The following STX6 variants were observed in gnomAD, a reference collection of about 807,000 sequenced individuals.
STX6 encodes syntaxin 6.
Under a neutral mutation model 38.0 loss-of-function variants are expected in STX6, and 23 were observed. The ratio of observed to expected loss-of-function variants is 0.60; its 90% confidence interval spans 0.43 to 0.86. The LOEUF (loss-of-function observed/expected upper bound fraction) is 0.86. STX6 is among the 40% of genes least tolerant of loss of function. The pLI, the probability that STX6 is intolerant of heterozygous loss-of-function variation, is 0.00. For missense variants in STX6, 274 were observed against 312.9 expected, an observed-to-expected ratio of 0.88 and a Z score of 0.94; for synonymous variants, 123 against 107.5, an observed-to-expected ratio of 1.14 and a Z score of -0.89.
At chr1:181,003,684 T>C (rs1449911091) in intron 2 of STX6, among the ~76,000 whole-genome samples, 2 of 152,348 alleles carry the variant, frequency 1.3e-5, no homozygotes, top group East Asian at 1.9e-4. Context: ...GGTTTCCTTA[T>C]GTTTTATCTC....
In STX6 at chr1:180,976,147, T is replaced by G; in HGVS notation, c.*423A>C. ...AAGCTCGTATTCCTGACAGGTTTCT[T>G]TAGATGGGACAGCGGTGCACTGTCT... On this transcript the variant is annotated 3_prime_UTR_variant, in exon 8 of 8. Coordinates refer to ENST00000258301, the MANE Select transcript of STX6 (RefSeq NM_005819.6). 1 of 159,982 alleles carries G rather than the reference T, an allele frequency of 6.3e-6. No individual in the cohort carries two copies. Among genetic ancestry groups the G allele is most frequent in the African/African-American group, 2.4e-5 (1 of 41,844 alleles). 9.9% of individuals were successfully genotyped at this position (159,982 alleles called of 1,614,324 possible). A position where few individuals can be genotyped will look rare whatever the true frequency, so the allele number is the denominator to read the frequency against.
intron 6 of STX6, among the ~76,000 whole-genome samples, chr1:180,986,387 T>C (rs1185581574): frequency 2.0e-5 from 3 of 152,256 alleles, no homozygotes; most frequent in Non-Finnish European, 2.9e-5. Flanking sequence ...TATTTTTCTA[T>C]ATGAAGTCTT....
intron 5 of STX6, 129 bp from the exon 6 acceptor site, chr1:180,988,474 T>A: frequency 1.5e-6 from 1 of 674,980 alleles, no homozygotes. Context: ...AGCCCAGAAA[T>A]CAAAGGACCA....
Position 180,984,763 on chromosome 1 carries a change from T to C in STX6, c.605A>G (p.Glu202Gly), listed in dbSNP as rs1390710794. ...GCTCTCCAATTCGTGAGAGAAATCT[T>C]CCAACATACTAGAGAGAAGCAGACA... ...GELEEQAVML[E>G]DFSHELESTQ... Residue 202 changes from glutamate (E) to glycine (G), a missense_variant, in exon 7 of 8, where the codon GAA (glutamate) becomes GGA (glycine). Transcript: ENST00000258301. The C allele has an allele frequency of 1.3e-6, 2 of 1,548,328 alleles. No homozygotes were observed. Among genetic ancestry groups the C allele is most frequent in the East Asian group, 4.5e-5 (2 of 44,522 alleles).
chr1:180,994,976 T>C (rs1051144183), intron 3 of STX6, among the ~76,000 whole-genome samples: 2 of 151,946 alleles, frequency 1.3e-5, no homozygotes, highest in African/African-American at 4.8e-5. Context: ...AAATTTTTTT[T>C]TTTTTTTGAG....
At chr1:181,008,971 A>G (rs1656317860) in intron 1 of STX6, among the ~76,000 whole-genome samples, 1 of 152,010 alleles carries the variant, frequency 6.6e-6, no homozygotes. Context: ...TCAACTCACA[A>G]CTCAATCACA....
chr1:180,984,078 A>C (rs1263441788), intron 7 of STX6, among the ~76,000 whole-genome samples: 2 of 148,578 alleles, frequency 1.3e-5, no homozygotes, highest in Admixed American at 6.7e-5. Context: ...AAAAAAAAAA[A>C]AAAAAAAAAA....
intron 3 of STX6, among the ~76,000 whole-genome samples, chr1:181,002,015 A>G (rs1656094095): frequency 6.6e-6 from 1 of 152,126 alleles, no homozygotes; most frequent in African/African-American, 2.4e-5. Flanking sequence ...CTGTCTCTAC[A>G]AAAAATTAGC....
chr1:180,986,605 G>A (rs1376740762), intron 6 of STX6, among the ~76,000 whole-genome samples: 2 of 152,112 alleles, frequency 1.3e-5, no homozygotes, highest in Non-Finnish European at 2.9e-5. Flanking sequence ...GTACAGTGGT[G>A]CCATCATAGC....
intron 3 of STX6, among the ~76,000 whole-genome samples, chr1:181,001,510 T>G (rs1236520615): frequency 2.0e-5 from 3 of 152,232 alleles, no homozygotes; most frequent in Admixed American, 1.3e-4. Context: ...TTTTTTACAC[T>G]CTGATAGATG....
intron 7 of STX6, among the ~76,000 whole-genome samples, chr1:180,979,862 TAAC>T (rs1488437044): frequency 3.4e-4 from 10 of 29,776 alleles, no homozygotes; most frequent in African/African-American, 8.2e-4. Context: ...GTATGAAAAC[TAAC>T]AGCTTGATTT....
chr1:181,002,710 A>G lies in STX6; in HGVS notation c.206-10T>C, dbSNP rs775547073. 2.2e-4 allele frequency: 349 copies of G among 1,589,724 alleles called. No homozygotes were observed. Among genetic ancestry groups the G allele is most frequent in the Middle Eastern group, 9.9e-4 (6 of 6,044 alleles). ...TTTGCTTCAACTATGCGTAGGTCAAAAAGTCAAGGTAAAACAATTTCATCA... is the reference window on the plus strand; with the variant it reads ...TTTGCTTCAACTATGCGTAGGTCAAGAAGTCAAGGTAAAACAATTTCATCA... On this transcript the variant is annotated splice_polypyrimidine_tract_variant and intron_variant, in intron 2 of 7. Coordinates refer to ENST00000258301, the MANE Select transcript of STX6 (RefSeq NM_005819.6).
At chr1:180,982,259 G>C (rs1339918070) in intron 7 of STX6, among the ~76,000 whole-genome samples, 1 of 152,138 alleles carries the variant, frequency 6.6e-6, no homozygotes, top group Non-Finnish European at 1.5e-5. Context: ...AAAAATTATG[G>C]AGGAGAGCAG....
At chr1:181,006,288 C>T (rs1378856269) in intron 1 of STX6, among the ~76,000 whole-genome samples, 1 of 151,840 alleles carries the variant, frequency 6.6e-6, no homozygotes, top group African/African-American at 2.4e-5. Context: ...GTCTTGAACT[C>T]CTGATCTCAG....
At position 181,005,417 on chromosome 1, in the gene STX6, A is replaced by G; in HGVS notation, c.82T>C (p.Trp28Arg). 1.2e-6 allele frequency: 2 copies of G among 1,614,046 alleles called. No individual in the cohort carries two copies. Among genetic ancestry groups the G allele is most frequent in the Non-Finnish European group, 1.7e-6 (2 of 1,179,932 alleles). ...GAGGGGTCCTGGAGGAGCTCTGTCC[A>G]TCTCTGAAACAATCCCTGGGCAGTG... Reference protein sequence around the residue: ...VNTAQGLFQRWTELLQDPSTA... With the variant: ...VNTAQGLFQRRTELLQDPSTA... Residue 28 changes from tryptophan to arginine, a missense_variant, in exon 2 of 8, where the codon TGG becomes CGG. Trp to Arg is a moderately radical substitution (Grantham distance 101). Transcript: ENST00000258301.
chr1:180,975,064 C>T lies in STX6; in HGVS notation c.*1506G>A, dbSNP rs1277228154. 6.6e-6 allele frequency: 1 copy of T among 152,344 alleles called. No homozygotes were observed. The highest frequency in any genetic ancestry group is 1.5e-5 in the Non-Finnish European group (1 of 67,994). 9.4% of individuals were successfully genotyped at this position (152,344 alleles called of 1,614,324 possible). ...AAAAAGGGTGAAAAAACCAAAACCC[C>T]CAAATAAAACCACATGAAATACAAA... is the stretch of plus-strand genomic sequence containing the variant. On this transcript the variant is annotated 3_prime_UTR_variant, in exon 8 of 8. Coordinates refer to ENST00000258301, the MANE Select transcript of STX6 (RefSeq NM_005819.6).
chr1:180,993,099 A>G (rs375675755), intron 4 of STX6, among the ~76,000 whole-genome samples: 3 of 152,194 alleles, frequency 2.0e-5, no homozygotes, highest in Non-Finnish European at 2.9e-5. Context: ...GTACTCTGTG[A>G]TAAGTGCTAT....
chr1:181,006,768 GA>G lies in STX6; in HGVS notation c.36-1306del, dbSNP rs532421805. Among the ~76,000 whole-genome samples, 1,220 of 152,036 alleles carry G rather than the reference GA, an allele frequency of 8.0e-3. 8 individuals are homozygous for G. The highest frequency in any genetic ancestry group is 0.014 in the Non-Finnish European group (980 of 67,940). ...GAAAAAAGAAAGCGCTAACAAAAATGAAAAAAAGCACCTTACAATATTTAGG... is the reference window on the plus strand; with the variant it reads ...GAAAAAAGAAAGCGCTAACAAAAATGAAAAAAGCACCTTACAATATTTAGG... On this transcript the variant is annotated intron_variant, in intron 1 of 7. Coordinates refer to ENST00000258301, the MANE Select transcript of STX6 (RefSeq NM_005819.6).
chr1:181,002,485 A>G, intron 3 of STX6, 121 bp downstream of exon 3: 2 of 636,562 alleles, frequency 3.1e-6, no homozygotes, highest in Admixed American at 3.0e-5. Context: ...GGAAGCTCAC[A>G]TTTAATTCAT....
Sources: gnomAD v4.1 joint callset for allele counts (sites outside exome capture counted in the v4.1 genomes callset) on GRCh38, gnomAD v4.1.1 for gene constraint, MANE v1.5 for transcripts, NCBI Gene and HGNC (gene_info 2026-07-23, HGNC 2026-07-21) for gene names.